The following GLIS3 variants were observed in gnomAD, a reference collection of about 807,000 sequenced individuals.
GLIS3 encodes GLIS family zinc finger 3.
GLIS3 carries 53 observed loss-of-function variants against 78.6 expected under a neutral mutation model. The observed-to-expected ratio is 0.67, with a 90% CI of 0.54 to 0.85. The LOEUF is 0.85. Ranked by LOEUF, GLIS3 falls within the 40% of genes least tolerant of loss-of-function variation. The pLI, the probability that GLIS3 is intolerant of heterozygous loss-of-function variation, is 0.00. For missense variants in GLIS3, 1,703 were observed against 1,231.1 expected (o/e 1.38, Z -5.74); for synonymous variants, 684 against 509.9 (o/e 1.34, Z -4.60).
intron 2 of GLIS3, among the ~76,000 whole-genome samples, chr9:4,246,139 G>A (rs904125659): frequency 6.6e-6 from 1 of 152,180 alleles, no homozygotes; most frequent in East Asian, 1.9e-4. Context: ...CACTTTGGGA[G>A]GCTGAGGCAA....
At chr9:3,910,807 G>C (rs941297033) in intron 6 of GLIS3, among the ~76,000 whole-genome samples, 1 of 152,222 alleles carries the variant, frequency 6.6e-6, no homozygotes, top group Non-Finnish European at 1.5e-5. Context: ...AACTAAATCA[G>C]ATAAGACAGA....
intron 2 of GLIS3, among the ~76,000 whole-genome samples, chr9:4,133,825 TACACACACACACACACACACACACAC>T (rs138728219): frequency 2.5e-5 from 3 of 121,790 alleles, no homozygotes; most frequent in Admixed American, 8.3e-5. Flanking sequence ...CAAGACCTTC[TACACACACACACACACACACACACAC>T]ACACACACAC....
chr9:4,103,960 G>C (rs1375254587), intron 4 of GLIS3, among the ~76,000 whole-genome samples: 1 of 152,090 alleles, frequency 6.6e-6, no homozygotes, highest in Non-Finnish European at 1.5e-5. Flanking sequence ...GACATACACA[G>C]TGTTTGGTAA....
intron 10 of GLIS3, 119 bp downstream of exon 10, chr9:3,829,191 C>G (rs896777355): frequency 2.4e-6 from 2 of 843,308 alleles, no homozygotes; most frequent in Non-Finnish European, 4.0e-6. Flanking sequence ...AGGGGTCGTT[C>G]AACAGGATTT....
intron 4 of GLIS3, among the ~76,000 whole-genome samples, chr9:4,012,388 T>C (rs888746894): frequency 6.6e-6 from 1 of 152,160 alleles, no homozygotes; most frequent in Non-Finnish European, 1.5e-5. Flanking sequence ...AACCAGATTC[T>C]TTTCGGTGAT....
intron 4 of GLIS3, among the ~76,000 whole-genome samples, chr9:4,036,677 C>A (rs1294599018): frequency 6.6e-6 from 1 of 152,162 alleles, no homozygotes; most frequent in Non-Finnish European, 1.5e-5. Flanking sequence ...GCAAACGGCG[C>A]ATTACCTGAG....
chr9:4,070,159 T>C (rs181450149), intron 4 of GLIS3, among the ~76,000 whole-genome samples: 1 of 152,272 alleles, frequency 6.6e-6, no homozygotes, highest in Admixed American at 6.5e-5. Context: ...TAAGTTGAGA[T>C]TTTGTGGTTG....
intron 8 of GLIS3, among the ~76,000 whole-genome samples, chr9:3,870,956 G>C (rs2130385549): frequency 6.6e-6 from 1 of 152,290 alleles, no homozygotes; most frequent in East Asian, 1.9e-4. Context: ...CCACATATGA[G>C]CCTGTAAAAT....
the GLIS3 span, among the ~76,000 whole-genome samples, chr9:4,377,950 T>C: frequency 6.6e-5 from 10 of 152,160 alleles, no homozygotes; most frequent in African/African-American, 2.4e-4. Context: ...TATTCAAAAA[T>C]ACATGTCTAT....
At chr9:3,890,512 AAAG>A (rs1326368072) in intron 7 of GLIS3, among the ~76,000 whole-genome samples, 2 of 152,184 alleles carry the variant, frequency 1.3e-5, no homozygotes, top group African/African-American at 4.8e-5. Context: ...GGAAAGAAAA[AAAG>A]AGAAAAGAAC....
At chr9:3,834,314 TATG>T (rs1818216747) in intron 9 of GLIS3, among the ~76,000 whole-genome samples, 1 of 152,070 alleles carries the variant, frequency 6.6e-6, no homozygotes, top group Admixed American at 6.6e-5. Flanking sequence ...CATGAGTAAA[TATG>T]ATAATAGAAG....
intron 2 of GLIS3, among the ~76,000 whole-genome samples, chr9:4,264,255 G>A (rs745404438): frequency 5.9e-5 from 9 of 152,038 alleles, no homozygotes; most frequent in Non-Finnish European, 1.3e-4. Context: ...CCAATCCTCA[G>A]CAAGTCCCAT....
upstream of GLIS3, among the ~76,000 whole-genome samples, chr9:4,350,865 C>T (rs1233632886): frequency 2.0e-5 from 3 of 152,046 alleles, no homozygotes; most frequent in Non-Finnish European, 4.4e-5. Context: ...CAGGACTTTC[C>T]CTAGTACCAC....
rs1461118274 is a variant in GLIS3, at chr9:4,286,415, C to G, written c.11G>C (p.Arg4Thr). Residue 4 changes from arginine to threonine, a missense_variant, in exon 2 of 11, where the codon AGA becomes ACA. Physicochemically the swap from Arg to Thr is moderately conservative, Grantham distance 71. Coordinates refer to ENST00000381971, the MANE Select transcript of GLIS3 (RefSeq NM_001042413.2). ...CCGGTGGAGACTCATGCTGCATGAT[C>G]TTCCATTCATTCTGAAAAACCTGTG... Reference protein sequence around the residue: MNGRSCSMSLHRTS... With the variant: MNGTSCSMSLHRTS... 6.2e-7 allele frequency: 1 copy of G among 1,614,038 alleles called. No individual in the cohort carries two copies. The highest frequency in any genetic ancestry group is 8.5e-7 in the Non-Finnish European group (1 of 1,180,038).
the GLIS3 span, among the ~76,000 whole-genome samples, chr9:4,381,074 G>A: frequency 2.0e-5 from 3 of 152,262 alleles, no homozygotes; most frequent in Admixed American, 6.5e-5. Context: ...AGTAGTCACT[G>A]GTCAGAGGGG....
the GLIS3 span, among the ~76,000 whole-genome samples, chr9:4,416,141 C>T: frequency 1.3e-5 from 2 of 148,312 alleles, no homozygotes; most frequent in African/African-American, 5.0e-5. Flanking sequence ...AATCCCAGCA[C>T]TTTGGGAGAT....
intron 1 of GLIS3, among the ~76,000 whole-genome samples, chr9:4,291,652 T>G (rs1322015168): frequency 6.6e-6 from 1 of 152,074 alleles, no homozygotes; most frequent in African/African-American, 2.4e-5. Flanking sequence ...CACATCCGAT[T>G]CAGGAATTTA....
the GLIS3 span, among the ~76,000 whole-genome samples, chr9:4,469,766 A>G: frequency 0.73 from 110,446 of 151,918 alleles, 40,497 homozygotes; most frequent in Middle Eastern, 0.84. Flanking sequence ...GCTAGCAGAA[A>G]GCAAGAAATA....
intron 2 of GLIS3, among the ~76,000 whole-genome samples, chr9:4,176,716 C>G (rs982377625): frequency 2.0e-5 from 3 of 152,156 alleles, no homozygotes; most frequent in African/African-American, 7.2e-5. Context: ...CTCCGCCTCC[C>G]GGGTTCAAAT....
Sources: gnomAD v4.1 joint callset for allele counts (sites outside exome capture counted in the v4.1 genomes callset) on GRCh38, gnomAD v4.1.1 for gene constraint, MANE v1.5 for transcripts, NCBI Gene and HGNC (gene_info 2026-07-23, HGNC 2026-07-21) for gene names.